The following KDM4C variants were observed in gnomAD, a reference collection of about 807,000 sequenced individuals.
KDM4C encodes lysine-specific demethylase 4C.
Under a neutral mutation model 129.3 loss-of-function variants are expected in KDM4C, and 81 were observed. That is an observed-to-expected ratio of 0.63 (90% CI 0.52 to 0.75). The LOEUF (loss-of-function observed/expected upper bound fraction) is 0.75, where lower values mean the gene tolerates loss of function less well. Ranked by LOEUF, KDM4C falls within the 30% of genes least tolerant of loss-of-function variation. KDM4C has a pLI of 0.00. For missense variants in KDM4C, 1,457 were observed against 1,304.0 expected, an observed-to-expected ratio of 1.12 and a Z score of -1.81; for synonymous variants, 573 against 456.1, an observed-to-expected ratio of 1.26 and a Z score of -3.26.
chr9:6,916,476 G>A (rs1820335172), intron 8 of KDM4C, among the ~76,000 whole-genome samples: 1 of 152,010 alleles, frequency 6.6e-6, no homozygotes, highest in South Asian at 2.1e-4. Context: ...GCCTCACTGT[G>A]TTGCCCTGGC....
chr9:7,087,087 CTCT>C (rs1365665997), intron 17 of KDM4C, among the ~76,000 whole-genome samples: 1 of 62,778 alleles, frequency 1.6e-5, no homozygotes, highest in Non-Finnish European at 3.1e-5. Flanking sequence ...ACTTACGTGG[CTCT>C]TTTTTTTTTT....
At chr9:7,059,355 G>A (rs992979742) in intron 17 of KDM4C, among the ~76,000 whole-genome samples, 2 of 152,074 alleles carry the variant, frequency 1.3e-5, no homozygotes, top group Non-Finnish European at 2.9e-5. Flanking sequence ...CTCCCGCCTC[G>A]ACCTCCCGAG....
chr9:6,754,067 G>C (rs1818162681), upstream of KDM4C, among the ~76,000 whole-genome samples: 1 of 151,410 alleles, frequency 6.6e-6, no homozygotes, highest in African/African-American at 2.4e-5. Context: ...GTAGAGACAG[G>C]GTTTCACCGT....
intron 17 of KDM4C, among the ~76,000 whole-genome samples, chr9:7,096,306 G>A (rs546419038): frequency 6.6e-6 from 1 of 152,176 alleles, no homozygotes; most frequent in East Asian, 1.9e-4. Flanking sequence ...TAATTTCTTT[G>A]TAAATGCTGC....
At chr9:7,156,788 A>T (rs1843219996) in intron 19 of KDM4C, among the ~76,000 whole-genome samples, 2 of 152,294 alleles carry the variant, frequency 1.3e-5, no homozygotes, top group Non-Finnish European at 2.9e-5. Context: ...AGATAGCGTG[A>T]TGTCTCCAGC....
At position 7,013,921 on chromosome 9, in the gene KDM4C, C is replaced by T; in HGVS notation, c.2102C>T (p.Ser701Phe). The change falls in exon 14 of 22, where the codon TCT (serine) becomes TTT (phenylalanine). Residue 701 changes from serine to phenylalanine, a missense_variant. By Grantham distance (155) the Ser-to-Phe change is radical. Coordinates refer to ENST00000381309, the MANE Select transcript of KDM4C (RefSeq NM_015061.6). ...FIYSEENIEY[S>F]PPNAFLEEDG... ...TATAGTGAAGAAAATATAGAATATT[C>T]TCCACCCAATGCCTTCCTTGAAGAG... 3.1e-6 allele frequency: 5 copies of T among 1,614,028 alleles called. No homozygotes were observed. The highest frequency in any genetic ancestry group is 4.2e-6 in the Non-Finnish European group (5 of 1,179,892).
chr9:6,845,201 A>G (rs748531696), intron 4 of KDM4C, among the ~76,000 whole-genome samples: 3 of 152,030 alleles, frequency 2.0e-5, no homozygotes, highest in Non-Finnish European at 2.9e-5. Context: ...GACATTGAAG[A>G]TTTAGGAATG....
intron 4 of KDM4C, among the ~76,000 whole-genome samples, chr9:6,832,265 G>A (rs1396760708): frequency 6.0e-5 from 9 of 150,172 alleles, no homozygotes; most frequent in South Asian, 2.1e-4. Flanking sequence ...GTGTGAACCC[G>A]GGAGGCGGAG....
chr9:7,052,416 C>A (rs1830267356), intron 17 of KDM4C, among the ~76,000 whole-genome samples: 1 of 152,144 alleles, frequency 6.6e-6, no homozygotes, highest in Non-Finnish European at 1.5e-5. Flanking sequence ...AATCATTATT[C>A]ATTATTTGCA....
intron 5 of KDM4C, among the ~76,000 whole-genome samples, chr9:6,850,521 C>T (rs1368445040): frequency 6.6e-6 from 1 of 152,092 alleles, no homozygotes; most frequent in Non-Finnish European, 1.5e-5. Context: ...TCTTGGCTCA[C>T]TGCAACCTCC....
intron 8 of KDM4C, among the ~76,000 whole-genome samples, chr9:6,971,325 G>A (rs1439201562): frequency 2.0e-5 from 3 of 152,102 alleles, no homozygotes; most frequent in East Asian, 3.8e-4. Flanking sequence ...TTCCTTTTTG[G>A]ATTTATTCCA....
intron 17 of KDM4C, among the ~76,000 whole-genome samples, chr9:7,082,821 C>T (rs958951683): frequency 9.9e-5 from 15 of 152,014 alleles, no homozygotes; most frequent in African/African-American, 3.6e-4. Context: ...GGGACTTATG[C>T]CTTTTGTTCA....
At chr9:6,834,939 G>T in intron 4 of KDM4C, 2 of 1,113,498 alleles carry the variant, frequency 1.8e-6, no homozygotes, top group Admixed American at 1.7e-5. Context: ...GTCACCCACA[G>T]TGTGCCCATC....
At chr9:6,739,725 T>G (rs115034876) in intron 1 of KDM4C, among the ~76,000 whole-genome samples, 1 of 150,890 alleles carries the variant, frequency 6.6e-6, no homozygotes, top group African/African-American at 2.4e-5. Flanking sequence ...CTGGAAGGAA[T>G]GTGGCTCACA....
rs547283324 is a variant in KDM4C, at chr9:6,807,791, G to GT, written c.320+2017_320+2018insT. On this transcript the variant is annotated intron_variant, in intron 3 of 21. Transcript: ENST00000381309. ...CAGCCACCCCGTCTGGGAGGGAGGTGGGGGGGGGGTCAGCCCCCCGCCCGG... is the reference window on the plus strand; with the variant it reads ...CAGCCACCCCGTCTGGGAGGGAGGTGTGGGGGGGGGTCAGCCCCCCGCCCGG... 4.3e-4 allele frequency among the ~76,000 whole-genome samples: 33 copies of GT among 77,426 alleles called. 1 individual carries two copies. In the East Asian group the frequency reaches 8.2e-3, roughly 19 times the overall value. The allele number at this position is 77,426 out of a possible 152,430, so 50.8% of individuals were successfully genotyped here.
At chr9:7,048,627 C>T (rs1010535927) in intron 16 of KDM4C, among the ~76,000 whole-genome samples, 1 of 151,978 alleles carries the variant, frequency 6.6e-6, no homozygotes, top group Non-Finnish European at 1.5e-5. Flanking sequence ...TTTTGGAAAA[C>T]TTTTGCTACT....
In KDM4C at chr9:6,899,340, A is replaced by C. The variant is rs1816976786; in HGVS notation, c.921+6108A>C. 3.3e-5 allele frequency among the ~76,000 whole-genome samples: 5 copies of C among 152,078 alleles called. No individual in the cohort carries two copies. In the South Asian group the frequency reaches 6.2e-4, roughly 19 times the overall value. ...CTACAATGATGCATCATTATCCCCCAATGTCCATAGTTTTTTTTAAACTTT... is the reference window on the plus strand; with the variant it reads ...CTACAATGATGCATCATTATCCCCCCATGTCCATAGTTTTTTTTAAACTTT... On this transcript the variant is annotated intron_variant, in intron 8 of 21. Transcript: ENST00000381309.
At chr9:7,145,412 C>T (rs62532922) in intron 19 of KDM4C, among the ~76,000 whole-genome samples, 4,250 of 152,182 alleles carry the variant, frequency 0.028, 78 homozygotes, top group South Asian at 0.069. Context: ...AGGGGTGCTG[C>T]GTAGGTGAGA....
At chr9:6,937,904 G>T (rs1044183404) in intron 8 of KDM4C, among the ~76,000 whole-genome samples, 2 of 152,044 alleles carry the variant, frequency 1.3e-5, no homozygotes, top group African/African-American at 4.8e-5. Context: ...TAGCGATGGG[G>T]ATTCACCATG....
Sources: gnomAD v4.1 joint callset for allele counts (sites outside exome capture counted in the v4.1 genomes callset) on GRCh38, gnomAD v4.1.1 for gene constraint, MANE v1.5 for transcripts, NCBI Gene and HGNC (gene_info 2026-07-23, HGNC 2026-07-21) for gene names.